The following MET variants were observed in gnomAD, a reference collection of about 807,000 sequenced individuals.
The protein encoded by MET is MET proto-oncogene, receptor tyrosine kinase.
MET carries 48 observed loss-of-function variants against 133.1 expected under a neutral mutation model. That is an observed-to-expected ratio of 0.36 (90% CI 0.29 to 0.46). The LOEUF (loss-of-function observed/expected upper bound fraction) is 0.46. Among genes scored for constraint, MET ranks in the 20% least tolerant of loss-of-function variants. The pLI, the probability that MET is intolerant of heterozygous loss-of-function variation, is 1.00. For missense variants in MET, 1,442 were observed against 1,695.9 expected, an observed-to-expected ratio of 0.85 and a Z score of 2.63; for synonymous variants, 628 against 616.5, an observed-to-expected ratio of 1.02 and a Z score of -0.28.
chr7:116,741,566 C>T (rs191707300), intron 5 of MET, among the ~76,000 whole-genome samples: 6 of 152,166 alleles, frequency 3.9e-5, no homozygotes, highest in South Asian at 2.1e-4. Context: ...TCTTCCTGTC[C>T]GATGCATAGA....
At chr7:116,739,546 A>C (rs775784977) in intron 3 of MET, among the ~76,000 whole-genome samples, 14 of 152,200 alleles carry the variant, frequency 9.2e-5, no homozygotes, top group Non-Finnish European at 1.9e-4. Context: ...ACATCAAGGG[A>C]AACTGCCTGG....
chr7:116,734,627 A>T (rs1437100491), intron 3 of MET, among the ~76,000 whole-genome samples: 1 of 152,248 alleles, frequency 6.6e-6, no homozygotes, highest in Non-Finnish European at 1.5e-5. Flanking sequence ...CTGCAGAGCC[A>T]TGTCAATGTA....
chr7:116,748,329 T>C (rs1793776178), intron 5 of MET, among the ~76,000 whole-genome samples: 1 of 152,244 alleles, frequency 6.6e-6, no homozygotes, highest in African/African-American at 2.4e-5. Flanking sequence ...CCTGAATGAC[T>C]ACTGACTACT....
At chr7:116,697,453 C>T (rs1302368858) in intron 1 of MET, among the ~76,000 whole-genome samples, 1 of 152,126 alleles carries the variant, frequency 6.6e-6, no homozygotes, top group Non-Finnish European at 1.5e-5. Flanking sequence ...GACGGTCTAG[C>T]TCAAAATTCC....
chr7:116,776,730 G>A lies in MET; in HGVS notation c.3260-659G>A, dbSNP rs534602528. Among the ~76,000 whole-genome samples the A allele has an allele frequency of 1.1e-3, 173 of 152,284 alleles. 1 individual carries two copies. The highest frequency in any genetic ancestry group is 4.0e-3 in the African/African-American group (167 of 41,560). The stretch of plus-strand genomic sequence containing the variant: ...CAGCTATCAGACATTTGGCACCTCT[G>A]GGGGAAATTACTGCCACTGGATAAA... On this transcript the variant is annotated intron_variant, in intron 15 of 20. Coordinates refer to ENST00000397752, the MANE Select transcript of MET (RefSeq NM_000245.4).
intron 6 of MET, 91 bp from the exon 7 acceptor site, chr7:116,757,346 C>A: frequency 9.8e-7 from 1 of 1,020,110 alleles, no homozygotes; most frequent in Admixed American, 1.9e-5. Flanking sequence ...AGTCAGCTCA[C>A]CATTTAGAGT....
At chr7:116,742,083 A>G (rs1793480109) in intron 5 of MET, among the ~76,000 whole-genome samples, 1 of 152,234 alleles carries the variant, frequency 6.6e-6, no homozygotes, top group Non-Finnish European at 1.5e-5. Flanking sequence ...GACTTTAGTA[A>G]ATAGTTCTTA....
At chr7:116,716,071 C>A (rs536990835) in intron 2 of MET, among the ~76,000 whole-genome samples, 3 of 151,980 alleles carry the variant, frequency 2.0e-5, no homozygotes, top group Admixed American at 2.0e-4. Flanking sequence ...GGCAACATGG[C>A]AAAATCCCAT....
At chr7:116,737,911 G>A (rs1793283674) in intron 3 of MET, among the ~76,000 whole-genome samples, 1 of 152,136 alleles carries the variant, frequency 6.6e-6, no homozygotes, top group Non-Finnish European at 1.5e-5. Context: ...TTGGGAAATG[G>A]TATTAAAAAG....
At chr7:116,698,974 G>T in intron 1 of MET, 97 bp from the exon 2 acceptor site, 1 of 1,551,888 alleles carries the variant, frequency 6.4e-7, no homozygotes, top group Non-Finnish European at 8.7e-7. Context: ...GTCCAGTTGG[G>T]AAGCTTTATT....
chr7:116,719,657 A>G (rs1474822316), intron 2 of MET, among the ~76,000 whole-genome samples: 1 of 152,154 alleles, frequency 6.6e-6, no homozygotes, highest in Non-Finnish European at 1.5e-5. Context: ...ATCTTGAATA[A>G]ATTTTTGTAT....
At chr7:116,704,395 T>A (rs557948939) in intron 2 of MET, among the ~76,000 whole-genome samples, 2 of 152,212 alleles carry the variant, frequency 1.3e-5, no homozygotes, top group South Asian at 4.1e-4. Flanking sequence ...TGCAGGACTA[T>A]AGTGTGGACA....
At chr7:116,753,902 G>T (rs879675122) in intron 5 of MET, among the ~76,000 whole-genome samples, 2 of 152,128 alleles carry the variant, frequency 1.3e-5, no homozygotes, top group South Asian at 4.2e-4. Flanking sequence ...GTTAGTGCCT[G>T]GTGCATAGGA....
At chr7:116,679,678 C>T (rs1796280216) in intron 1 of MET, among the ~76,000 whole-genome samples, 1 of 152,174 alleles carries the variant, frequency 6.6e-6, no homozygotes, top group South Asian at 2.1e-4. Context: ...GAGAGGAATA[C>T]TCAGCAATAA....
chr7:116,755,216 A>T (rs1794132463), intron 5 of MET, 139 bp from the exon 6 acceptor site: 2 of 1,054,670 alleles, frequency 1.9e-6, no homozygotes, highest in African/African-American at 3.2e-5. Flanking sequence ...TTTAGTGAAA[A>T]TTAAATTTTT....
intron 15 of MET, among the ~76,000 whole-genome samples, chr7:116,776,089 C>G (rs1187683666): frequency 2.0e-5 from 3 of 151,374 alleles, no homozygotes; most frequent in African/African-American, 7.3e-5. Flanking sequence ...TTCTAAAAAG[C>G]TTTTACCCTT....
At chr7:116,707,035 G>T (rs1255035188) in intron 2 of MET, among the ~76,000 whole-genome samples, 2 of 151,802 alleles carry the variant, frequency 1.3e-5, no homozygotes, top group African/African-American at 4.8e-5. Flanking sequence ...GAGCCATGTT[G>T]ACTTCCTATT....
At position 116,796,067 on chromosome 7, in the gene MET, A is replaced by G; in HGVS notation, c.4116A>G (p.Glu1372=). The G allele has an allele frequency of 6.2e-7, 1 of 1,614,022 alleles. No homozygotes were observed. Among genetic ancestry groups the G allele is most frequent in the Non-Finnish European group, 8.5e-7 (1 of 1,179,922 alleles). The change falls in exon 21 of 21, where the codon GAA becomes GAG. Residue 1372 remains glutamate (E), a synonymous_variant. Transcript: ENST00000397752. ...CGTATCCTTCTCTGTTGTCATCAGAAGATAACGCTGATGATGAGGTGGACA... is the reference window on the plus strand; with the variant it reads ...CGTATCCTTCTCTGTTGTCATCAGAGGATAACGCTGATGATGAGGTGGACA... The part of the protein sequence containing the change: ...VAPYPSLLSS[E]DNADDEVDTR...
chr7:116,714,192 A>G (rs1329203662), intron 2 of MET, among the ~76,000 whole-genome samples: 1 of 152,220 alleles, frequency 6.6e-6, no homozygotes, highest in Non-Finnish European at 1.5e-5. Context: ...ACCTTAGGAA[A>G]TGATGATAAA....
Sources: gnomAD v4.1 joint callset for allele counts (sites outside exome capture counted in the v4.1 genomes callset) on GRCh38, gnomAD v4.1.1 for gene constraint, MANE v1.5 for transcripts, NCBI Gene and HGNC (gene_info 2026-07-23, HGNC 2026-07-21) for gene names.